Variants in CDH13 observed in about 807,000 individuals in gnomAD.
The protein encoded by CDH13 is cadherin-13.
A neutral mutation model predicts 63.8 loss-of-function variants in CDH13; 24 were observed. That is an observed-to-expected ratio of 0.38 (90% CI 0.27 to 0.53). The LOEUF (loss-of-function observed/expected upper bound fraction) is 0.53. CDH13 is among the 20% of genes least tolerant of loss of function. The pLI is 0.85. For missense variants in CDH13, 1,049 were observed against 903.1 expected (o/e 1.16, Z -2.07); for synonymous variants, 503 against 355.3 (o/e 1.42, Z -4.67).
chr16:83,796,714 C>G lies in CDH13; in HGVS notation c.*1684C>G, dbSNP rs950267711. On this transcript the variant is annotated 3_prime_UTR_variant, in exon 14 of 14. Coordinates refer to ENST00000567109, the MANE Select transcript of CDH13 (RefSeq NM_001257.5). ...ACCATTTGGGGTCCGTCGTACATCTCTGGTTGGTGAGTGAGTCTATGAAGA... is the reference window on the plus strand; with the variant it reads ...ACCATTTGGGGTCCGTCGTACATCTGTGGTTGGTGAGTGAGTCTATGAAGA... The G allele has an allele frequency of 6.6e-6, 1 of 152,134 alleles. No individual in the cohort carries two copies. Among genetic ancestry groups the G allele is most frequent in the East Asian group, 1.9e-4 (1 of 5,192 alleles). The allele number at this position is 152,134 out of a possible 1,614,324, so 9.4% of individuals were successfully genotyped here.
intron 1 of CDH13, among the ~76,000 whole-genome samples, chr16:82,718,109 G>C (rs981117858): frequency 4.6e-5 from 7 of 152,308 alleles, no homozygotes; most frequent in South Asian, 4.1e-4. Context: ...GGGGAAGTGA[G>C]ACAGGGAAGA....
At chr16:83,310,424 A>G (rs1466961222) in intron 5 of CDH13, among the ~76,000 whole-genome samples, 1 of 152,234 alleles carries the variant, frequency 6.6e-6, no homozygotes, top group East Asian at 1.9e-4. Context: ...ATACATACAA[A>G]TATATGTAAC....
chr16:83,688,093 C>T (rs553755472), intron 10 of CDH13, among the ~76,000 whole-genome samples: 10 of 152,144 alleles, frequency 6.6e-5, no homozygotes, highest in Non-Finnish European at 1.3e-4. Context: ...GTTAAAATGC[C>T]CAATTTCCAT....
At chr16:82,733,686 C>A (rs1318937249) in intron 1 of CDH13, among the ~76,000 whole-genome samples, 1 of 152,190 alleles carries the variant, frequency 6.6e-6, no homozygotes, top group Non-Finnish European at 1.5e-5. Context: ...GGGTTTAAAT[C>A]TCCAGGGGGT....
intron 7 of CDH13, among the ~76,000 whole-genome samples, chr16:83,538,135 C>T (rs114517099): frequency 1.3e-5 from 2 of 152,132 alleles, no homozygotes; most frequent in African/African-American, 4.8e-5. Context: ...TACACATATT[C>T]AGAAGGCCAT....
At chr16:82,627,185 T>G in intron 1 of CDH13, 48 bp downstream of exon 1, 1 of 1,529,282 alleles carries the variant, frequency 6.5e-7, no homozygotes, top group African/African-American at 1.4e-5. Flanking sequence ...GTTTCTGCAT[T>G]CGGATCGCCC....
rs374460486 is a variant in CDH13 at position 83,170,120 on chromosome 16, C to G, written c.483+44619C>G. On this transcript the variant is annotated intron_variant, in intron 4 of 13. Transcript: ENST00000567109. ...ATACAACAATTTACTTTGGGACCAT[C>G]TCATATATTAAATTTTGCAAAAATG... 2.8e-4 allele frequency among the ~76,000 whole-genome samples: 43 copies of G among 152,208 alleles called. No individual in the cohort carries two copies. In the East Asian group the frequency reaches 2.9e-3, roughly 10 times the overall value.
chr16:83,173,326 G>C (rs565246389), intron 4 of CDH13, among the ~76,000 whole-genome samples: 1 of 152,078 alleles, frequency 6.6e-6, no homozygotes, highest in Non-Finnish European at 1.5e-5. Context: ...GAAGGTATTT[G>C]TTAAAGAGAA....
intron 6 of CDH13, among the ~76,000 whole-genome samples, chr16:83,375,588 C>T (rs1473937990): frequency 6.6e-6 from 1 of 152,140 alleles, no homozygotes; most frequent in African/African-American, 2.4e-5. Flanking sequence ...GTATATTTAG[C>T]AAACTGTGTT....
chr16:83,592,517 A>G (rs974075146), intron 7 of CDH13, among the ~76,000 whole-genome samples: 1 of 152,204 alleles, frequency 6.6e-6, no homozygotes, highest in Non-Finnish European at 1.5e-5. Context: ...GGGTTCTAGG[A>G]ACGCCATTGG....
chr16:83,096,572 G>A (rs147471133), intron 3 of CDH13, among the ~76,000 whole-genome samples: 1 of 152,152 alleles, frequency 6.6e-6, no homozygotes, highest in South Asian at 2.1e-4. Context: ...CAATTCTCAG[G>A]ACTGAGTATC....
intron 2 of CDH13, among the ~76,000 whole-genome samples, chr16:82,975,651 T>C (rs1392805560): frequency 1.3e-5 from 2 of 152,236 alleles, no homozygotes; most frequent in Non-Finnish European, 2.9e-5. Context: ...TACAGTTTCT[T>C]ACATTCCTCA....
At chr16:83,162,877 C>G (rs1376793845) in intron 4 of CDH13, among the ~76,000 whole-genome samples, 1 of 152,084 alleles carries the variant, frequency 6.6e-6, no homozygotes, top group Non-Finnish European at 1.5e-5. Flanking sequence ...GCCTAAATCC[C>G]CAACTTGTAG....
chr16:83,321,595 C>G (rs1413323639), intron 5 of CDH13, among the ~76,000 whole-genome samples: 1 of 127,986 alleles, frequency 7.8e-6, no homozygotes, highest in Non-Finnish European at 1.5e-5. Flanking sequence ...GTGGCGCAAT[C>G]TTGGCTCACT....
At chr16:82,826,417 T>C (rs1411677463) in intron 1 of CDH13, 1 of 152,176 alleles carries the variant, frequency 6.6e-6, no homozygotes, top group Non-Finnish European at 1.5e-5. Context: ...ACATACAATA[T>C]CGAATTCAAT....
At chr16:83,686,575 T>C (rs989802005) in intron 10 of CDH13, among the ~76,000 whole-genome samples, 5 of 152,238 alleles carry the variant, frequency 3.3e-5, no homozygotes, top group East Asian at 1.9e-4. Flanking sequence ...TGCAAACTAT[T>C]TGTAGCTCTC....
chr16:83,106,213 T>G (rs1373163250), intron 3 of CDH13, among the ~76,000 whole-genome samples: 1 of 152,198 alleles, frequency 6.6e-6, no homozygotes, highest in Non-Finnish European at 1.5e-5. Context: ...TTATTTGCCT[T>G]TCATTTATAG....
rs78839796 is a variant in CDH13 at position 83,471,033 on chromosome 16, C to T, written c.782-15444C>T. Among the ~76,000 whole-genome samples, 32 of 152,174 alleles carry T rather than the reference C, an allele frequency of 2.1e-4. No individual in the cohort carries two copies. In the East Asian group the frequency reaches 6.2e-3, roughly 29 times the overall value. Reference sequence around the variant, plus strand: ...GTCTTCAAAGCCAGCAGTGTGGCGTCTCCAGATATCTTTCTTTGACTTCTG... The same window carrying T: ...GTCTTCAAAGCCAGCAGTGTGGCGTTTCCAGATATCTTTCTTTGACTTCTG... On this transcript the variant is annotated intron_variant, in intron 6 of 13. Coordinates refer to ENST00000567109, the MANE Select transcript of CDH13 (RefSeq NM_001257.5).
chr16:83,205,314 G>A (rs2039150504), intron 4 of CDH13, among the ~76,000 whole-genome samples: 1 of 152,156 alleles, frequency 6.6e-6, no homozygotes, highest in African/African-American at 2.4e-5. Context: ...GGACAATAAG[G>A]GATGTAAAAT....
Sources: gnomAD v4.1 joint callset for allele counts (sites outside exome capture counted in the v4.1 genomes callset) on GRCh38, gnomAD v4.1.1 for gene constraint, MANE v1.5 for transcripts, NCBI Gene and HGNC (gene_info 2026-07-23, HGNC 2026-07-21) for gene names.